Variants in CDH13 observed in about 807,000 individuals in gnomAD.
CDH13 encodes the protein cadherin 13, also known as cadherin-13.
CDH13 carries 24 observed loss-of-function variants against 63.8 expected under a neutral mutation model. The ratio of observed to expected loss-of-function variants is 0.38; its 90% CI spans 0.27 to 0.53. The LOEUF is 0.53. Among genes scored for constraint, CDH13 ranks in the 20% least tolerant of loss-of-function variants. CDH13 has a pLI of 0.85. For synonymous variants in CDH13, 503 were observed against 355.3 expected, an observed-to-expected ratio of 1.42 and a Z score of -4.67; for missense variants, 1,049 against 903.1, an observed-to-expected ratio of 1.16 and a Z score of -2.07.
intron 7 of CDH13, among the ~76,000 whole-genome samples, chr16:83,595,288 G>A (rs1289482146): frequency 6.6e-6 from 1 of 152,164 alleles, no homozygotes; most frequent in Non-Finnish European, 1.5e-5. Context: ...AGACCTTTGA[G>A]ACATAATTTA....
intron 4 of CDH13, among the ~76,000 whole-genome samples, chr16:83,163,191 C>A (rs998122673): frequency 1.3e-5 from 2 of 152,134 alleles, no homozygotes; most frequent in Non-Finnish European, 1.5e-5. Flanking sequence ...GCTTCCCCAG[C>A]CACATGGAAC....
At chr16:83,474,125 A>G (rs570655891) in intron 6 of CDH13, among the ~76,000 whole-genome samples, 1 of 152,262 alleles carries the variant, frequency 6.6e-6, no homozygotes, top group African/African-American at 2.4e-5. Flanking sequence ...TAAAATAGAG[A>G]TGATCTAATT....
Position 83,072,539 on chromosome 16 carries a change from G to A in CDH13, c.366+40321G>A, listed in dbSNP as rs182681012. ...GAATTTTCTGTCAAAAGCTAGAGAT[G>A]TTTGTGTGTTTTTGTCAATGGGATC... On this transcript the variant is annotated intron_variant, in intron 3 of 13. Transcript: ENST00000567109. 7.5e-4 allele frequency among the ~76,000 whole-genome samples: 114 copies of A among 152,288 alleles called. 1 individual carries two copies. Among genetic ancestry groups the A allele is most frequent in the Admixed American group, 7.4e-3 (113 of 15,286 alleles).
At chr16:83,760,685 G>C (rs1224750315) in intron 11 of CDH13, among the ~76,000 whole-genome samples, 1 of 152,200 alleles carries the variant, frequency 6.6e-6, no homozygotes, top group Non-Finnish European at 1.5e-5. Context: ...TTCTTGATCT[G>C]GTAGTACTAG....
In CDH13 at chr16:82,798,918, C is replaced by T. The variant is rs191894055; in HGVS notation, c.46-59444C>T. ...GAGCACAGGTTTGATTCTCACTTTG[C>T]AGATAAAGAAACTGAGGCCCAGAAA... On this transcript the variant is annotated intron_variant, in intron 1 of 13. Transcript: ENST00000567109. Among the ~76,000 whole-genome samples the T allele has an allele frequency of 3.9e-5, 6 of 152,182 alleles. No homozygotes were observed. In the East Asian group the frequency reaches 1.2e-3, roughly 29 times the overall value.
At chr16:83,273,847 CAG>C (rs2088900399) in intron 5 of CDH13, among the ~76,000 whole-genome samples, 1 of 152,106 alleles carries the variant, frequency 6.6e-6, no homozygotes, top group African/African-American at 2.4e-5. Flanking sequence ...AATTGAGGCT[CAG>C]AGGGGTGAAA....
At chr16:83,763,246 C>T (rs955154115) in intron 11 of CDH13, among the ~76,000 whole-genome samples, 2 of 152,154 alleles carry the variant, frequency 1.3e-5, no homozygotes, top group Non-Finnish European at 2.9e-5. Context: ...CCAGGCATAA[C>T]AGCTGTAAAA....
At chr16:83,455,656 T>C (rs995168132) in intron 6 of CDH13, among the ~76,000 whole-genome samples, 1 of 152,202 alleles carries the variant, frequency 6.6e-6, no homozygotes, top group Non-Finnish European at 1.5e-5. Context: ...TCTAAGAACC[T>C]TGAGCTTTGC....
chr16:83,099,514 G>C (rs2034368876), intron 3 of CDH13, among the ~76,000 whole-genome samples: 1 of 151,588 alleles, frequency 6.6e-6, no homozygotes, highest in Non-Finnish European at 1.5e-5. Context: ...AGTAGAGACA[G>C]GGTTTTGCCA....
At chr16:83,692,158 C>G (rs866322643) in intron 10 of CDH13, among the ~76,000 whole-genome samples, 8 of 152,246 alleles carry the variant, frequency 5.3e-5, no homozygotes, top group Admixed American at 5.2e-4. Context: ...ATAGCTTGCT[C>G]TCTCCAACTT....
chr16:82,786,748 T>C (rs1017388814), intron 1 of CDH13, among the ~76,000 whole-genome samples: 7 of 148,048 alleles, frequency 4.7e-5, no homozygotes, highest in Non-Finnish European at 8.9e-5. Flanking sequence ...AGTGAGAACA[T>C]GCGGTGTTTG....
chr16:83,604,059 C>G (rs1404268804), intron 8 of CDH13, among the ~76,000 whole-genome samples: 1 of 152,128 alleles, frequency 6.6e-6, no homozygotes, highest in East Asian at 1.9e-4. Context: ...CACCTCCCAC[C>G]AGGCCCCAAC....
At chr16:83,049,812 T>C (rs2030089187) in intron 3 of CDH13, among the ~76,000 whole-genome samples, 1 of 152,168 alleles carries the variant, frequency 6.6e-6, no homozygotes, top group East Asian at 1.9e-4. Flanking sequence ...CCAACCTGTG[T>C]GCAAATGTAT....
chr16:83,172,027 G>C (rs1422493737), intron 4 of CDH13, among the ~76,000 whole-genome samples: 1 of 152,092 alleles, frequency 6.6e-6, no homozygotes, highest in Non-Finnish European at 1.5e-5. Flanking sequence ...GTATGTTGAA[G>C]TCATAATCCC....
At chr16:82,646,955 T>C (rs540255251) in intron 1 of CDH13, among the ~76,000 whole-genome samples, 172 of 152,260 alleles carry the variant, frequency 1.1e-3, no homozygotes, top group Admixed American at 2.9e-3. Context: ...GGATCAGAGT[T>C]AGAAAGATGA....
At chr16:82,731,507 A>G (rs1182308095) in intron 1 of CDH13, among the ~76,000 whole-genome samples, 1 of 152,226 alleles carries the variant, frequency 6.6e-6, no homozygotes, top group African/African-American at 2.4e-5. Flanking sequence ...TAAACATCTG[A>G]AAAGTATTTT....
At position 83,231,745 on chromosome 16, in the gene CDH13, AC is replaced by A. The variant is rs554625589; in HGVS notation, c.636+14252del. On this transcript the variant is annotated intron_variant, in intron 5 of 13. Transcript: ENST00000567109. The stretch of plus-strand genomic sequence containing the variant: ...GCCCCTCTACAGAAAAAGCCTGCCA[AC>A]CCCGGACTAGATGAACCCTGGTATG... Among the ~76,000 whole-genome samples the A allele has an allele frequency of 6.0e-3, 911 of 152,138 alleles. 4 individuals are homozygous for A. Among genetic ancestry groups the A allele is most frequent in the Non-Finnish European group, 0.01 (713 of 68,006 alleles).
intron 6 of CDH13, among the ~76,000 whole-genome samples, chr16:83,380,669 C>T (rs1397009173): frequency 2.6e-5 from 4 of 152,148 alleles, no homozygotes; most frequent in Admixed American, 6.5e-5. Context: ...CTCAAGGTGG[C>T]TGATTGGAGC....
chr16:83,796,447 AAGT>A lies in CDH13; in HGVS notation c.*1420_*1422del, dbSNP rs1758763855. 1 of 152,346 alleles carries A rather than the reference AAGT, an allele frequency of 6.6e-6. No homozygotes were observed. 9.4% of individuals were successfully genotyped at this position (152,346 alleles called of 1,614,324 possible). On this transcript the variant is annotated 3_prime_UTR_variant, in exon 14 of 14. Coordinates refer to ENST00000567109, the MANE Select transcript of CDH13 (RefSeq NM_001257.5). ...GTGCTTTCAGTTAGCCTTCTGTAGG[AAGT>A]AGAAGTCATATGTTGTCTTTGTTGT...
Sources: gnomAD v4.1 joint callset for allele counts (sites outside exome capture counted in the v4.1 genomes callset) on GRCh38, gnomAD v4.1.1 for gene constraint, MANE v1.5 for transcripts, NCBI Gene and HGNC (gene_info 2026-07-23, HGNC 2026-07-21) for gene names.